SLC6A7: variants seen among roughly 807,000 people sequenced by gnomAD.
The protein encoded by SLC6A7 is solute carrier family 6 member 7, also known as sodium-dependent proline transporter.
SLC6A7 carries 58 observed loss-of-function variants against 73.1 expected under a neutral mutation model. That is an observed-to-expected ratio of 0.79 (90% CI 0.64 to 0.99). The LOEUF is 0.99. SLC6A7 is among the 50% of genes least tolerant of loss of function. SLC6A7 has a pLI of 0.00. For synonymous variants in SLC6A7, 338 were observed against 338.7 expected (o/e 1.00, Z 0.02); for missense variants, 783 against 831.4 (o/e 0.94, Z 0.72).
In SLC6A7 at chr5:150,210,177, A is replaced by G. The variant is rs1318574474; in HGVS notation, c.*562A>G. 1 of 159,226 alleles carries G rather than the reference A, an allele frequency of 6.3e-6. No individual in the cohort carries two copies. Among genetic ancestry groups the G allele is most frequent in the Admixed American group, 5.9e-5 (1 of 16,904 alleles). The allele number at this position is 159,226 out of a possible 1,614,324, so 9.9% of individuals were successfully genotyped here. Reference sequence around the variant, plus strand: ...GAGAAAGATCCCTGGGGGCTCCTGTATGCAGGACTCCTGAAGGAGGTGGGA... The same window carrying G: ...GAGAAAGATCCCTGGGGGCTCCTGTGTGCAGGACTCCTGAAGGAGGTGGGA... On this transcript the variant is annotated 3_prime_UTR_variant, in exon 14 of 14. Coordinates refer to ENST00000230671, the MANE Select transcript of SLC6A7 (RefSeq NM_014228.5).
chr5:150,192,928 G>A (rs1752852138), intron 1 of SLC6A7, among the ~76,000 whole-genome samples: 1 of 152,166 alleles, frequency 6.6e-6, no homozygotes, highest in Non-Finnish European at 1.5e-5. Flanking sequence ...AGCTCACCTG[G>A]GGTGAGAGGT....
At chr5:150,192,600 T>C (rs764772536) in intron 1 of SLC6A7, among the ~76,000 whole-genome samples, 52 of 152,234 alleles carry the variant, frequency 3.4e-4, no homozygotes, top group Non-Finnish European at 6.9e-4. Context: ...GGAACTCCAG[T>C]TGGGCTCCTG....
rs1753600884 is a variant in SLC6A7, at chr5:150,204,864, G to A, written c.1470G>A (p.Leu490=). The A allele has an allele frequency of 1.2e-6, 2 of 1,613,450 alleles. No homozygotes were observed. The highest frequency in any genetic ancestry group is 1.7e-6 in the Non-Finnish European group (2 of 1,179,462). The change falls in exon 12 of 14, where the codon CTG becomes CTA. Residue 490 remains leucine (L), a synonymous_variant. Transcript: ENST00000230671. ...TCTGCCGAGACATCCACATGATGCT[G>A]GGCTTCAAGCCGGGCCTCTACTTCA... ...QRFCRDIHMM[L]GFKPGLYFRA... is the part of the protein sequence containing the mutation.
chr5:150,198,894 C>G (rs1468418333), intron 4 of SLC6A7, among the ~76,000 whole-genome samples: 1 of 151,146 alleles, frequency 6.6e-6, no homozygotes, highest in Non-Finnish European at 1.5e-5. Flanking sequence ...AATACCCAGA[C>G]CCCTCATTCC....
chr5:150,201,166 C>T lies in SLC6A7; in HGVS notation c.801C>T (p.Ala267=). 1 of 1,613,832 alleles carries T rather than the reference C, an allele frequency of 6.2e-7. No individual in the cohort carries two copies. Among genetic ancestry groups the T allele is most frequent in the South Asian group, 1.1e-5 (1 of 91,058 alleles). ...TCCGCGGAGTCACCCTCCCAGGGGC[C>T]TGGAAGGGCATCCAGTTCTATCTCA... The part of the protein sequence containing the change: ...LLVRGVTLPG[A]WKGIQFYLTP... The change falls in exon 6 of 14, where the codon GCC becomes GCT. Residue 267 remains alanine, a synonymous_variant. Transcript: ENST00000230671.
intron 4 of SLC6A7, among the ~76,000 whole-genome samples, chr5:150,197,497 A>G (rs1753095317): frequency 6.6e-6 from 1 of 152,260 alleles, no homozygotes; most frequent in Non-Finnish European, 1.5e-5. Flanking sequence ...GAGGGCAATA[A>G]TACTAGGTAT....
In SLC6A7 at chr5:150,202,639, C is replaced by A. The variant is rs751893082; in HGVS notation, c.1023C>A (p.Ile341=). 6.2e-7 allele frequency: 1 copy of A among 1,614,212 alleles called. No individual in the cohort carries two copies. The highest frequency in any genetic ancestry group is 8.5e-7 in the Non-Finnish European group (1 of 1,180,022). Residue 341 remains isoleucine (I), a synonymous_variant, in exon 8 of 14, where the codon ATC becomes ATA. Transcript: ENST00000230671. ...CCAGCATCCTGGCTGGCTTTGCCAT[C>A]TTCTCCGTGCTGGGCTACATGTCTC... is the stretch of plus-strand genomic sequence containing the variant. ...AITSILAGFA[I]FSVLGYMSQE... is the part of the protein sequence containing the mutation.
Position 150,197,047 on chromosome 5 carries a change from G to A in SLC6A7, c.355G>A (p.Gly119Ser), listed in dbSNP as rs777523070. 1.1e-5 allele frequency: 18 copies of A among 1,613,430 alleles called. No homozygotes were observed. Among genetic ancestry groups the A allele is most frequent in the East Asian group, 4.5e-5 (2 of 44,898 alleles). ...WKISPLFKGA[G>S]AAMLLIVGLV... Reference sequence around the variant, plus strand: ...GCAGCCTCTCCCCACACCAGGCGCCGGCGCAGCCATGCTGCTCATCGTGGG... The same window carrying A: ...GCAGCCTCTCCCCACACCAGGCGCCAGCGCAGCCATGCTGCTCATCGTGGG... The change falls in exon 4 of 14, where the codon GGC (glycine) becomes AGC (serine). Residue 119 changes from glycine (G) to serine (S), a missense_variant. Transcript: ENST00000230671.
Position 150,190,319 on chromosome 5 carries a change from C to T in SLC6A7, c.-9C>T. On this transcript the variant is annotated 5_prime_UTR_variant, in exon 1 of 14. Coordinates refer to ENST00000230671, the MANE Select transcript of SLC6A7 (RefSeq NM_014228.5). Reference sequence around the variant, plus strand: ...GGGGCAGCTGAGCCCCGGCCACCCGCTCTCCAAGATGAAGAAGCTCCAGGG... The same window carrying T: ...GGGGCAGCTGAGCCCCGGCCACCCGTTCTCCAAGATGAAGAAGCTCCAGGG... 1.3e-6 allele frequency: 2 copies of T among 1,512,144 alleles called. No individual in the cohort carries two copies. The highest frequency in any genetic ancestry group is 8.8e-7 in the Non-Finnish European group (1 of 1,131,114). The allele number at this position is 1,512,144 out of a possible 1,614,324, so 93.7% of individuals were successfully genotyped here. A position where few individuals can be genotyped will look rare whatever the true frequency, so the allele number is the denominator to read the frequency against.
Position 150,204,933 on chromosome 5 carries a change from TG to T in SLC6A7, c.1533+10del. ...TGTCCCCAGCCACGCTCTTGGTAAC[TG>T]GGGAGGGCGGGAGGGTTTCTGGCTG... is the stretch of plus-strand genomic sequence containing the variant. On this transcript the variant is annotated splice_region_variant and intron_variant, in intron 12 of 13. Coordinates refer to ENST00000230671, the MANE Select transcript of SLC6A7 (RefSeq NM_014228.5). The T allele has an allele frequency of 2.1e-6, 1 of 486,576 alleles. No individual in the cohort carries two copies. The highest frequency in any genetic ancestry group is 4.2e-6 in the Non-Finnish European group (1 of 240,306). 30.1% of individuals were successfully genotyped at this position (486,576 alleles called of 1,614,324 possible).
chr5:150,192,361 TCC>T (rs1375140805), intron 1 of SLC6A7, among the ~76,000 whole-genome samples: 2 of 152,080 alleles, frequency 1.3e-5, no homozygotes, highest in Admixed American at 1.3e-4. Context: ...CTGCTGTGAG[TCC>T]CTAAAGGCGA....
At chr5:150,202,989 G>A (rs868625322) in intron 8 of SLC6A7, among the ~76,000 whole-genome samples, 6 of 152,004 alleles carry the variant, frequency 3.9e-5, no homozygotes, top group South Asian at 2.1e-4. Flanking sequence ...CAGGAGAATC[G>A]CTTGAACCCG....
At chr5:150,196,197 G>A (rs73279837) in intron 2 of SLC6A7, among the ~76,000 whole-genome samples, 4,689 of 152,302 alleles carry the variant, frequency 0.031, 251 homozygotes, top group African/African-American at 0.11. Context: ...CGCCTAGGAG[G>A]GGGTTGGTTG....
intron 7 of SLC6A7, 32 bp downstream of exon 7, chr5:150,202,482 G>T: frequency 1.2e-6 from 2 of 1,608,610 alleles, no homozygotes; most frequent in Non-Finnish European, 1.7e-6. Context: ...AGACCCTGGG[G>T]TCCAAAGCAG....
chr5:150,198,748 G>A (rs922660793), intron 4 of SLC6A7, among the ~76,000 whole-genome samples: 15 of 151,996 alleles, frequency 9.9e-5, no homozygotes, highest in African/African-American at 3.4e-4. Context: ...AGGGAACCAG[G>A]AGAGAATCAG....
intron 4 of SLC6A7, 112 bp downstream of exon 4, chr5:150,197,388 G>T (rs528191078): frequency 3.0e-6 from 2 of 669,036 alleles, no homozygotes; most frequent in East Asian, 2.8e-5. Context: ...CTCAGGTGGT[G>T]ATGGCAGGTG....
Position 150,202,616 on chromosome 5 carries a change from A to C in SLC6A7, c.1000A>C (p.Ser334Arg). 6.2e-7 allele frequency: 1 copy of C among 1,614,224 alleles called. No homozygotes were observed. The highest frequency in any genetic ancestry group is 8.5e-7 in the Non-Finnish European group (1 of 1,180,032). ...FIVTLGNAITSILAGFAIFSV... is the reference protein window; with the variant it reads ...FIVTLGNAITRILAGFAIFSV... ...CGTCACTCTGGGCAACGCCATCACC[A>C]GCATCCTGGCTGGCTTTGCCATCTT... The change falls in exon 8 of 14, where the codon AGC becomes CGC. Residue 334 changes from serine (S) to arginine (R), a missense_variant. By Grantham distance (110) the Ser-to-Arg change is moderately radical. Transcript: ENST00000230671.
chr5:150,193,551 T>C (rs1192463715), intron 1 of SLC6A7, among the ~76,000 whole-genome samples: 2 of 152,162 alleles, frequency 1.3e-5, no homozygotes, highest in African/African-American at 4.8e-5. Flanking sequence ...GGCTTGTGAC[T>C]GAAAAGTACC....
At chr5:150,192,339 G>T (rs978582056) in intron 1 of SLC6A7, among the ~76,000 whole-genome samples, 22 of 152,168 alleles carry the variant, frequency 1.4e-4, no homozygotes, top group African/African-American at 4.8e-4. Flanking sequence ...GCAGTCTTGA[G>T]TCTCCCAGCC....
Sources: allele counts gnomAD v4.1 joint callset (sites outside exome capture counted in the v4.1 genomes callset), GRCh38; gene constraint gnomAD v4.1.1; transcripts MANE v1.5; gene names NCBI Gene and HGNC (gene_info 2026-07-23, HGNC 2026-07-21).